Variants in TIMP2 observed in about 807,000 individuals in gnomAD.
The protein encoded by TIMP2 is metalloproteinase inhibitor 2.
A neutral mutation model predicts 24.3 loss-of-function variants in TIMP2; 5 were observed. The observed-to-expected ratio is 0.21, with a 90% CI of 0.11 to 0.43. The LOEUF (loss-of-function observed/expected upper bound fraction) is 0.43. TIMP2 is among the 20% of genes least tolerant of loss of function. TIMP2 has a pLI of 1.00. For synonymous variants in TIMP2, 130 were observed against 123.2 expected (o/e 1.06, Z -0.37); for missense variants, 221 against 297.5 (o/e 0.74, Z 1.89).
intron 1 of TIMP2, chr17:78,922,221 C>T (rs943975672): frequency 1.3e-5 from 2 of 152,180 alleles, no homozygotes; most frequent in Non-Finnish European, 1.5e-5. Flanking sequence ...TGCATCGCTT[C>T]GAGGAGAATC....
At chr17:78,886,938 T>C (rs1379964697) in intron 1 of TIMP2, among the ~76,000 whole-genome samples, 2 of 152,086 alleles carry the variant, frequency 1.3e-5, no homozygotes, top group South Asian at 2.1e-4. Flanking sequence ...CCCAGGCTGG[T>C]CTCATATTCC....
intron 3 of TIMP2, among the ~76,000 whole-genome samples, chr17:78,869,137 T>C (rs2069645265): frequency 6.6e-6 from 1 of 152,176 alleles, no homozygotes; most frequent in South Asian, 2.1e-4. Context: ...AATAAAAATA[T>C]AGGCTGGGCA....
At chr17:78,863,997 G>A (rs1398563966) in intron 3 of TIMP2, among the ~76,000 whole-genome samples, 4 of 152,112 alleles carry the variant, frequency 2.6e-5, no homozygotes, top group East Asian at 1.9e-4. Context: ...GCACACATTC[G>A]AACTCGAGCA....
chr17:78,916,544 G>A (rs541354851), intron 1 of TIMP2, among the ~76,000 whole-genome samples: 3 of 152,322 alleles, frequency 2.0e-5, no homozygotes, highest in South Asian at 4.1e-4. Flanking sequence ...GGCATCTCCT[G>A]TGTCTGCCCG....
chr17:78,888,155 C>CTT (rs5822277), intron 1 of TIMP2, among the ~76,000 whole-genome samples: 55 of 141,508 alleles, frequency 3.9e-4, no homozygotes, highest in East Asian at 1.2e-3. Context: ...CTTTTTGTTT[C>CTT]TTTTTTTTTT....
At chr17:78,869,185 C>T (rs539399480) in intron 3 of TIMP2, among the ~76,000 whole-genome samples, 168 of 152,282 alleles carry the variant, frequency 1.1e-3, no homozygotes, top group Non-Finnish European at 2.1e-3. Context: ...CTTTGGGAGG[C>T]TGAGGCAGGA....
chr17:78,890,982 C>CT (rs1253433125), intron 1 of TIMP2: 1 of 1,551,254 alleles, frequency 6.4e-7, no homozygotes, highest in Admixed American at 2.0e-5. Context: ...TGCTCCATCT[C>CT]TGCTTTCTGC....
Position 78,854,943 on chromosome 17 carries a change from T to TGGGGGGG in TIMP2, c.*723_*724insCCCCCCC, listed in dbSNP as rs1567989551. ...GGGCGGGGGGGGGGGGGTGGGGGGG[T>TGGGGGGG]GGGTGCAGACCAAAAAGACTCAGCT... On this transcript the variant is annotated 3_prime_UTR_variant, in exon 5 of 5. Transcript: ENST00000262768. The TGGGGGGG allele has an allele frequency of 3.8e-5, 1 of 26,452 alleles. No individual in the cohort carries two copies. The highest frequency in any genetic ancestry group is 7.0e-5 in the Non-Finnish European group (1 of 14,230). The allele number at this position is 26,452 out of a possible 1,614,324, so 1.6% of individuals were successfully genotyped here.
intron 1 of TIMP2, among the ~76,000 whole-genome samples, chr17:78,877,463 C>T (rs8066481): frequency 2.0e-5 from 3 of 151,986 alleles, no homozygotes; most frequent in Admixed American, 6.6e-5. Context: ...GCAGGAGAAT[C>T]GCTTGAACCC....
At chr17:78,888,138 T>A (rs2069841279) in intron 1 of TIMP2, among the ~76,000 whole-genome samples, 1 of 151,596 alleles carries the variant, frequency 6.6e-6, no homozygotes, top group East Asian at 1.9e-4. Flanking sequence ...GTTCAGCAGG[T>A]ATATATCTTT....
chr17:78,885,349 G>A (rs942246740), intron 1 of TIMP2, among the ~76,000 whole-genome samples: 13 of 152,354 alleles, frequency 8.5e-5, no homozygotes, highest in Non-Finnish European at 1.6e-4. Flanking sequence ...CAGGAGAACC[G>A]TGCGGGGTAC....
chr17:78,923,829 C>T, intron 1 of TIMP2, among the ~76,000 whole-genome samples: 1 of 152,196 alleles, frequency 6.6e-6, no homozygotes, highest in Admixed American at 6.5e-5. Context: ...AAGCCGTGGG[C>T]GGGGTATGGG....
chr17:78,915,829 A>G (rs1192201257), intron 1 of TIMP2, among the ~76,000 whole-genome samples: 2 of 152,094 alleles, frequency 1.3e-5, no homozygotes, highest in South Asian at 2.1e-4. Context: ...CCTAAAAACC[A>G]TCTCTTCTTT....
intron 1 of TIMP2, among the ~76,000 whole-genome samples, chr17:78,908,813 G>A (rs2070183051): frequency 6.6e-6 from 1 of 152,152 alleles, no homozygotes; most frequent in African/African-American, 2.4e-5. Context: ...GAGCCAACTG[G>A]GCCAAGTGGA....
intron 1 of TIMP2, among the ~76,000 whole-genome samples, chr17:78,885,464 T>G (rs546997960): frequency 8.5e-5 from 13 of 152,292 alleles, no homozygotes; most frequent in African/African-American, 3.1e-4. Flanking sequence ...CCCACACCCT[T>G]CCGGGTGGCT....
intron 1 of TIMP2, among the ~76,000 whole-genome samples, chr17:78,881,564 G>T (rs1478901200): frequency 1.3e-5 from 2 of 152,384 alleles, no homozygotes; most frequent in African/African-American, 4.8e-5. Flanking sequence ...GTAACTGCAG[G>T]CCGGAGCCGC....
chr17:78,889,830 C>G (rs1014434176), intron 1 of TIMP2, among the ~76,000 whole-genome samples: 1 of 152,214 alleles, frequency 6.6e-6, no homozygotes, highest in Non-Finnish European at 1.5e-5. Flanking sequence ...GTTTTAAAGG[C>G]AAGACTAGGC....
At chr17:78,901,806 G>A (rs765649700) in intron 1 of TIMP2, 6 of 717,112 alleles carry the variant, frequency 8.4e-6, no homozygotes, top group Non-Finnish European at 1.6e-5. Flanking sequence ...CCAGATGACT[G>A]AGCTAGACCA....
intron 2 of TIMP2, among the ~76,000 whole-genome samples, chr17:78,872,602 A>T (rs1267149869): frequency 1.9e-4 from 29 of 152,136 alleles, no homozygotes; most frequent in Admixed American, 1.9e-3. Flanking sequence ...GGTTATGTTG[A>T]TGCTGTACTA....
Sources: allele counts gnomAD v4.1 joint callset (sites outside exome capture counted in the v4.1 genomes callset), GRCh38; gene constraint gnomAD v4.1.1; transcripts MANE v1.5; gene names NCBI Gene and HGNC (gene_info 2026-07-23, HGNC 2026-07-21).